LINGO1: variants seen among roughly 807,000 people sequenced by gnomAD.
LINGO1 encodes leucine rich repeat and Ig domain containing 1.
A neutral mutation model predicts 37.3 loss-of-function variants in LINGO1; 11 were observed. The observed-to-expected ratio is 0.29, with a 90% CI of 0.19 to 0.49. The LOEUF is 0.49. LINGO1 is among the 20% of genes least tolerant of loss of function. The pLI is 0.99. For synonymous variants in LINGO1, 387 were observed against 403.0 expected, an observed-to-expected ratio of 0.96 and a Z score of 0.48; for missense variants, 585 against 878.2, an observed-to-expected ratio of 0.67 and a Z score of 4.22.
chr15:77,794,588 ATATT>A (rs1219979682), intron 2 of LINGO1, among the ~76,000 whole-genome samples: 963 of 39,438 alleles, frequency 0.024, 29 homozygotes, highest in African/African-American at 0.072. Flanking sequence ...ATATATATAT[ATATT>A]TTTTTTTTTT....
chr15:77,726,205 T>C lies in LINGO1; in HGVS notation c.-195+8787A>G, dbSNP rs553884594. ...GCTGTTGACTCTACACAAGTCCTCC[T>C]GAGTGAACTGAGCACCTGTGTCTCC... On this transcript the variant is annotated intron_variant, in intron 2 of 3. Coordinates refer to the LINGO1 transcript ENST00000561686. Among the ~76,000 whole-genome samples the C allele has an allele frequency of 2.0e-5, 3 of 152,314 alleles. No homozygotes were observed. The East Asian group carries it at 5.8e-4, about 29-fold the overall frequency.
At chr15:77,646,595 C>T (rs371953984) in intron 3 of LINGO1, 2 of 338,848 alleles carry the variant, frequency 5.9e-6, no homozygotes, top group African/African-American at 4.4e-5. Flanking sequence ...AGGGGCCAGC[C>T]TCTCTCCTTG....
intron 1 of LINGO1, among the ~76,000 whole-genome samples, chr15:77,763,282 T>C (rs2076495844): frequency 6.6e-6 from 1 of 151,972 alleles, no homozygotes; most frequent in Non-Finnish European, 1.5e-5. Flanking sequence ...GGCCTGGGTG[T>C]GCCAGGAGGT....
chr15:77,800,096 T>G (rs2076905308), intron 1 of LINGO1, among the ~76,000 whole-genome samples: 1 of 152,142 alleles, frequency 6.6e-6, no homozygotes, highest in Admixed American at 6.5e-5. Flanking sequence ...GGCTTCCTGA[T>G]GGAGGAGGGA....
chr15:77,741,650 C>T (rs752608334), intron 1 of LINGO1, among the ~76,000 whole-genome samples: 172 of 152,308 alleles, frequency 1.1e-3, no homozygotes, highest in Non-Finnish European at 1.8e-3. Context: ...AAAACAAAAC[C>T]GCTTGACCTT....
At chr15:77,746,904 C>T (rs2076319889) in intron 1 of LINGO1, among the ~76,000 whole-genome samples, 1 of 152,066 alleles carries the variant, frequency 6.6e-6, no homozygotes, top group South Asian at 2.1e-4. Context: ...AAGGAGGGTG[C>T]TGAAAGGGGC....
chr15:77,614,324 G>A lies in LINGO1; in HGVS notation c.1583C>T (p.Thr528Ile). ...SPDWPHQPNK[T>I]FAFISNQPGE... ...CGGCTGGTTGGAGATGAAAGCGAAG[G>A]TCTTGTTGGGCTGATGGGGCCAGTC... is the stretch of plus-strand genomic sequence containing the variant. Residue 528 changes from threonine to isoleucine, a missense_variant, in exon 2 of 2, where the codon ACC becomes ATC. Transcript: ENST00000355300. 1 of 1,613,974 alleles carries A rather than the reference G, an allele frequency of 6.2e-7. No homozygotes were observed. The highest frequency in any genetic ancestry group is 8.5e-7 in the Non-Finnish European group (1 of 1,179,896).
intron 1 of LINGO1, among the ~76,000 whole-genome samples, chr15:77,769,505 C>G (rs924640438): frequency 6.6e-6 from 1 of 152,200 alleles, no homozygotes; most frequent in Non-Finnish European, 1.5e-5. Flanking sequence ...TGAGAAGGCA[C>G]GTTCCCATGG....
chr15:77,736,503 G>A (rs1477705764), intron 1 of LINGO1, among the ~76,000 whole-genome samples: 3 of 152,196 alleles, frequency 2.0e-5, no homozygotes, highest in African/African-American at 7.2e-5. Context: ...TGGCACACAC[G>A]TGTAATCCCA....
At chr15:77,743,082 G>C (rs563940867) in intron 1 of LINGO1, among the ~76,000 whole-genome samples, 1 of 152,326 alleles carries the variant, frequency 6.6e-6, no homozygotes, top group Non-Finnish European at 1.5e-5. Flanking sequence ...GAGAGATGGA[G>C]TGACTGAAAG....
chr15:77,760,073 T>TC (rs953947604), intron 1 of LINGO1, among the ~76,000 whole-genome samples: 62 of 152,318 alleles, frequency 4.1e-4, no homozygotes, highest in African/African-American at 1.5e-3. Flanking sequence ...GGCTTTTTTT[T>TC]CCTCCTTAAA....
chr15:77,624,529 G>A (rs1050027157), intron 1 of LINGO1, among the ~76,000 whole-genome samples: 1 of 152,218 alleles, frequency 6.6e-6, no homozygotes, highest in African/African-American at 2.4e-5. Context: ...CGCAGCCCCT[G>A]GCCATTTGCA....
chr15:77,758,483 C>T (rs8035287), intron 1 of LINGO1, among the ~76,000 whole-genome samples: 7,145 of 152,110 alleles, frequency 0.047, 535 homozygotes, highest in African/African-American at 0.16. Flanking sequence ...AGACAGCCAC[C>T]CTGGAAGAGA....
intron 2 of LINGO1, among the ~76,000 whole-genome samples, chr15:77,716,514 C>T (rs747922043): frequency 4.0e-5 from 6 of 149,576 alleles, no homozygotes; most frequent in South Asian, 2.2e-4. Flanking sequence ...CACTGTGATC[C>T]GGAGTCCAAG....
intron 1 of LINGO1, 79 bp from the exon 2 acceptor site, chr15:77,615,979 G>C (rs1367743136): frequency 9.6e-7 from 1 of 1,041,112 alleles, no homozygotes; most frequent in Admixed American, 3.0e-5. Flanking sequence ...AAGCCACCTG[G>C]GCCCCTCCTG....
At chr15:77,811,180 CCAGCTGCTTCTG>C in intron 1 of LINGO1, among the ~76,000 whole-genome samples, 1 of 152,152 alleles carries the variant, frequency 6.6e-6, no homozygotes, top group South Asian at 2.1e-4. Flanking sequence ...TGGGGGCAGC[CCAGCTGCTTCTG>C]CCAACAGAGG....
chr15:77,713,081 C>T (rs1724565054), intron 2 of LINGO1, among the ~76,000 whole-genome samples: 1 of 152,068 alleles, frequency 6.6e-6, no homozygotes, highest in South Asian at 2.1e-4. Flanking sequence ...CTTACTCTGT[C>T]ACCCAGACTG....
intron 2 of LINGO1, among the ~76,000 whole-genome samples, chr15:77,702,839 A>G (rs1295866813): frequency 6.6e-6 from 1 of 152,200 alleles, no homozygotes; most frequent in East Asian, 1.9e-4. Context: ...GTTCTGTGCC[A>G]TACAGCACTG....
chr15:77,816,716 A>T (rs989566863), intron 1 of LINGO1, among the ~76,000 whole-genome samples: 2 of 152,034 alleles, frequency 1.3e-5, no homozygotes, highest in Admixed American at 6.5e-5. Flanking sequence ...CCAGGGGCCA[A>T]ATAAGTGCCC....
Sources: allele counts gnomAD v4.1 joint callset (sites outside exome capture counted in the v4.1 genomes callset), GRCh38; gene constraint gnomAD v4.1.1; transcripts MANE v1.5; gene names NCBI Gene and HGNC (gene_info 2026-07-23, HGNC 2026-07-21).